Variants in RBFOX1 observed in about 807,000 individuals in gnomAD.
The protein encoded by RBFOX1 is RNA binding fox-1 homolog 1.
In RBFOX1, 8 loss-of-function variants were observed where a neutral mutation model predicts 57.7. That is an observed-to-expected ratio of 0.14 (90% CI 0.08 to 0.25). RBFOX1 has a LOEUF of 0.25. Among genes scored for constraint, RBFOX1 ranks in the 10% least tolerant of loss-of-function variants. The pLI, the probability that RBFOX1 is intolerant of heterozygous loss-of-function variation, is 1.00. For synonymous variants in RBFOX1, 326 were observed against 222.4 expected, an observed-to-expected ratio of 1.47 and a Z score of -4.15; for missense variants, 611 against 548.5, an observed-to-expected ratio of 1.11 and a Z score of -1.14.
intron 2 of RBFOX1, among the ~76,000 whole-genome samples, chr16:6,450,837 GTGTATATATATATATATATATATATATA>G (rs2094598311): frequency 1.1e-3 from 24 of 21,540 alleles, no homozygotes; most frequent in Middle Eastern, 0.036. Flanking sequence ...ATATATATAT[GTGTATATATATATATATATATATATATA>G]TATATATATC....
At chr16:6,998,888 C>T (rs1056140373) in intron 3 of RBFOX1, among the ~76,000 whole-genome samples, 3 of 151,452 alleles carry the variant, frequency 2.0e-5, no homozygotes, top group Non-Finnish European at 4.4e-5. Flanking sequence ...TATTATTTTG[C>T]GACTGAGTTT....
At chr16:5,283,925 A>G (rs1473151095) in intron 1 of RBFOX1, among the ~76,000 whole-genome samples, 9 of 152,034 alleles carry the variant, frequency 5.9e-5, no homozygotes, top group Admixed American at 4.6e-4. Context: ...GGGAGGGGCC[A>G]GGGGCAGAAT....
chr16:7,171,571 A>G (rs958412045), intron 4 of RBFOX1, among the ~76,000 whole-genome samples: 6 of 152,198 alleles, frequency 3.9e-5, no homozygotes, highest in Non-Finnish European at 5.9e-5. Context: ...CTCAGTGTTT[A>G]GAATGTAATT....
rs115002816 is a variant in RBFOX1, at chr16:7,589,837, A to G, written c.468+2537A>G. ...ATGAGTGGGCCCTTACGAGCCAGGA[A>G]CTCACCTTCTTGCCTTTCATTCTCT... On this transcript the variant is annotated intron_variant, in intron 7 of 15. Transcript: ENST00000550418. Among the ~76,000 whole-genome samples the G allele has an allele frequency of 5.0e-3, 746 of 149,768 alleles. 3 individuals carry two copies. The highest frequency in any genetic ancestry group is 0.018 in the African/African-American group (713 of 40,690).
chr16:7,570,544 C>T (rs7501006), intron 5 of RBFOX1, among the ~76,000 whole-genome samples: 58,989 of 151,966 alleles, frequency 0.39, 11,844 homozygotes, highest in South Asian at 0.53. Context: ...CATTTATCTA[C>T]GCTTGCAGCT....
At chr16:5,777,413 C>T (rs1401780563) in intron 3 of RBFOX1, among the ~76,000 whole-genome samples, 2 of 152,304 alleles carry the variant, frequency 1.3e-5, no homozygotes, top group East Asian at 3.9e-4. Context: ...TCTGTGAAGT[C>T]TCTTTTGCTA....
intron 2 of RBFOX1, among the ~76,000 whole-genome samples, chr16:6,402,578 G>T (rs545582240): frequency 6.6e-6 from 1 of 152,214 alleles, no homozygotes; most frequent in South Asian, 2.1e-4. Context: ...TGTTCAGTTT[G>T]TCCTTGACCT....
At chr16:5,569,051 C>T (rs1331718265) in intron 2 of RBFOX1, among the ~76,000 whole-genome samples, 1 of 149,218 alleles carries the variant, frequency 6.7e-6, no homozygotes, top group African/African-American at 2.5e-5. Context: ...AGGGTTTCAT[C>T]ATATTGGTCA....
intron 1 of RBFOX1, among the ~76,000 whole-genome samples, chr16:5,386,871 C>G (rs1017517584): frequency 6.6e-6 from 1 of 152,022 alleles, no homozygotes; most frequent in African/African-American, 2.4e-5. Flanking sequence ...CCCAACACGG[C>G]GAAACCCCAT....
intron 1 of RBFOX1, among the ~76,000 whole-genome samples, chr16:5,269,571 G>A (rs1483182546): frequency 6.6e-6 from 1 of 152,180 alleles, no homozygotes; most frequent in Non-Finnish European, 1.5e-5. Context: ...GCTACAGCAT[G>A]GGTGAACCTT....
chr16:6,837,457 C>G (rs146912986), intron 3 of RBFOX1, among the ~76,000 whole-genome samples: 20 of 152,278 alleles, frequency 1.3e-4, no homozygotes, highest in African/African-American at 3.6e-4. Flanking sequence ...GTATTTTGAG[C>G]CACTCAGAAG....
chr16:5,315,877 A>T (rs1377510844), intron 1 of RBFOX1, among the ~76,000 whole-genome samples: 1 of 152,122 alleles, frequency 6.6e-6, no homozygotes, highest in Non-Finnish European at 1.5e-5. Flanking sequence ...CTGATGCCAG[A>T]GTATCAGACT....
rs138867979 is a variant in RBFOX1 at position 7,613,349 on chromosome 16, A to G, written c.676+6011A>G. ...TCAGGTCTTGAAACAAGCTCACCCT[A>G]GGGTTACAGGGGCGATCAGATAATA... is the stretch of plus-strand genomic sequence containing the variant. On this transcript the variant is annotated intron_variant, in intron 10 of 15. Transcript: ENST00000550418. Among the ~76,000 whole-genome samples the G allele has an allele frequency of 2.0e-5, 3 of 152,322 alleles. No homozygotes were observed. The East Asian group carries it at 5.8e-4, about 29-fold the overall frequency.
At chr16:5,681,685 G>C (rs913585348) in intron 3 of RBFOX1, among the ~76,000 whole-genome samples, 1 of 152,070 alleles carries the variant, frequency 6.6e-6, no homozygotes, top group Non-Finnish European at 1.5e-5. Flanking sequence ...GAGCCACTGT[G>C]CCCGGCCGGT....
chr16:6,001,659 T>C (rs1280448972), intron 4 of RBFOX1, among the ~76,000 whole-genome samples: 2 of 152,244 alleles, frequency 1.3e-5, no homozygotes, highest in African/African-American at 4.8e-5. Context: ...GTAACAATGC[T>C]AGTTTTTAAT....
At chr16:6,694,804 G>C (rs934626490) in intron 3 of RBFOX1, among the ~76,000 whole-genome samples, 2 of 152,134 alleles carry the variant, frequency 1.3e-5, no homozygotes, top group Non-Finnish European at 2.9e-5. Flanking sequence ...CCGTGCATCA[G>C]TCACTGTGAC....
At chr16:7,477,671 C>T (rs1304704934) in intron 4 of RBFOX1, among the ~76,000 whole-genome samples, 1 of 152,198 alleles carries the variant, frequency 6.6e-6, no homozygotes, top group East Asian at 1.9e-4. Context: ...GTCAAGTCCA[C>T]TGCATTGGTT....
chr16:6,960,465 C>G (rs566171898), intron 3 of RBFOX1, among the ~76,000 whole-genome samples: 1 of 152,114 alleles, frequency 6.6e-6, no homozygotes, highest in Non-Finnish European at 1.5e-5. Flanking sequence ...TCCCAGTTCT[C>G]GTGTATGTTG....
intron 1 of RBFOX1, among the ~76,000 whole-genome samples, chr16:6,268,159 T>A (rs752758049): frequency 6.6e-6 from 1 of 152,202 alleles, no homozygotes; most frequent in Non-Finnish European, 1.5e-5. Context: ...CCAGCTACCT[T>A]TTCTGTAGCA....
Sources: allele counts gnomAD v4.1 joint callset (sites outside exome capture counted in the v4.1 genomes callset), GRCh38; gene constraint gnomAD v4.1.1; transcripts MANE v1.5; gene names NCBI Gene and HGNC (gene_info 2026-07-23, HGNC 2026-07-21).